The following KLRD1 variants were observed in gnomAD, a reference collection of about 807,000 sequenced individuals.
KLRD1 encodes the protein killer cell lectin like receptor D1, also known as natural killer cells antigen CD94.
In KLRD1, 21 loss-of-function variants were observed where a neutral mutation model predicts 22.6. The ratio of observed to expected loss-of-function variants is 0.93; its 90% CI spans 0.66 to 1.34. KLRD1 has a LOEUF of 1.34. Ranked by LOEUF, KLRD1 falls within the 40% of genes most tolerant of loss-of-function variation. The pLI is 0.00. For synonymous variants in KLRD1, 59 were observed against 71.1 expected (o/e 0.83, Z 0.85); for missense variants, 183 against 208.6 (o/e 0.88, Z 0.76).
At chr12:10,302,682 C>T (rs983001466), upstream of KLRD1, among the ~76,000 whole-genome samples, 2 of 151,638 alleles carry the variant, frequency 1.3e-5, no homozygotes, top group Non-Finnish European at 2.9e-5. Context: ...GAAAATGGTC[C>T]TCACGAGCTC....
At chr12:10,300,824 T>C (rs1048602623), upstream of KLRD1, among the ~76,000 whole-genome samples, 9 of 152,252 alleles carry the variant, frequency 5.9e-5, no homozygotes, top group African/African-American at 2.2e-4. Flanking sequence ...CTGGATAACC[T>C]GCTACAGCTT....
At chr12:10,243,636 G>GAAAA (rs1949263487) in intron 1 of KLRD1, among the ~76,000 whole-genome samples, 23 of 124,286 alleles carry the variant, frequency 1.9e-4, no homozygotes, top group South Asian at 5.3e-4. Context: ...AAAAAAAACC[G>GAAAA]AAATGAAAGA....
At chr12:10,305,406 T>G (rs1949907392), upstream of KLRD1, among the ~76,000 whole-genome samples, 1 of 152,130 alleles carries the variant, frequency 6.6e-6, no homozygotes, top group African/African-American at 2.4e-5. Flanking sequence ...TTATTTGGAA[T>G]TGTGTATGCA....
intron 1 of KLRD1, among the ~76,000 whole-genome samples, chr12:10,253,324 A>G (rs376267906): frequency 2.0e-5 from 3 of 152,210 alleles, no homozygotes; most frequent in East Asian, 3.8e-4. Context: ...CCGTTCATAC[A>G]CTTTTTAAAT....
chr12:10,253,527 C>G (rs1251798107), intron 1 of KLRD1, among the ~76,000 whole-genome samples: 2 of 151,524 alleles, frequency 1.3e-5, no homozygotes, highest in Admixed American at 6.6e-5. Flanking sequence ...GGCATTATAC[C>G]CAGTACCCAA....
Position 10,316,405 on chromosome 12 carries a change from A to AT in KLRD1, c.*1614dup, listed in dbSNP as rs1470731068. ...GCCACTTATTTTATTTTTTACTTTT[A>AT]TTATTTTTTTTTCTGAGACACGGTT... is the stretch of plus-strand genomic sequence containing the variant. On this transcript the variant is annotated 3_prime_UTR_variant, in exon 6 of 6. Transcript: ENST00000336164. 6.7e-6 allele frequency: 1 copy of AT among 149,826 alleles called. No individual in the cohort carries two copies. The highest frequency in any genetic ancestry group is 2.5e-5 in the African/African-American group (1 of 39,322). The allele number at this position is 149,826 out of a possible 1,614,324, so 9.3% of individuals were successfully genotyped here.
At chr12:10,242,696 T>C (rs1202937749) in intron 1 of KLRD1, among the ~76,000 whole-genome samples, 1 of 152,188 alleles carries the variant, frequency 6.6e-6, no homozygotes, top group Non-Finnish European at 1.5e-5. Flanking sequence ...ACAGCCTCAC[T>C]AATACTTATC....
chr12:10,280,944 C>A (rs1949635297), intron 1 of KLRD1, among the ~76,000 whole-genome samples: 1 of 152,184 alleles, frequency 6.6e-6, no homozygotes, highest in South Asian at 2.1e-4. Flanking sequence ...CAGGGAATAA[C>A]CTGGACTCAT....
chr12:10,280,081 A>C (rs1328369362), intron 1 of KLRD1, among the ~76,000 whole-genome samples: 1 of 152,230 alleles, frequency 6.6e-6, no homozygotes, highest in South Asian at 2.1e-4. Context: ...TAGAATTACC[A>C]ACAATCGTTA....
At chr12:10,279,540 C>G (rs1592051956) in intron 1 of KLRD1, among the ~76,000 whole-genome samples, 1 of 152,192 alleles carries the variant, frequency 6.6e-6, no homozygotes, top group East Asian at 1.9e-4. Flanking sequence ...GGCAGTATGA[C>G]AGGTATTCAG....
intron 1 of KLRD1, among the ~76,000 whole-genome samples, chr12:10,270,326 A>C (rs1483863208): frequency 6.6e-6 from 1 of 152,238 alleles, no homozygotes; most frequent in African/African-American, 2.4e-5. Context: ...TTAGTAATTA[A>C]AAAATTAATG....
At chr12:10,257,785 C>T (rs1236787223) in intron 1 of KLRD1, among the ~76,000 whole-genome samples, 2 of 151,796 alleles carry the variant, frequency 1.3e-5, no homozygotes, top group East Asian at 1.9e-4. Flanking sequence ...CCTGTTTCTT[C>T]GTATGCTTTG....
intron 1 of KLRD1, among the ~76,000 whole-genome samples, chr12:10,274,421 A>T (rs181985562): frequency 6.6e-6 from 1 of 152,228 alleles, no homozygotes; most frequent in East Asian, 1.9e-4. Flanking sequence ...AGCTCCTGAT[A>T]TCTGACAAAA....
intron 1 of KLRD1, among the ~76,000 whole-genome samples, chr12:10,240,405 T>G (rs1264755512): frequency 6.6e-6 from 1 of 151,822 alleles, no homozygotes; most frequent in Non-Finnish European, 1.5e-5. Context: ...TTGCTTTCAT[T>G]GTTCAGCTTC....
intron 1 of KLRD1, among the ~76,000 whole-genome samples, chr12:10,269,622 AGTTTAT>A (rs1338102970): frequency 1.3e-5 from 2 of 152,188 alleles, no homozygotes; most frequent in Non-Finnish European, 2.9e-5. Flanking sequence ...ATTTCAAAAA[AGTTTAT>A]GTTTATTACT....
intron 1 of KLRD1, 124 bp downstream of exon 1, chr12:10,308,208 C>A: frequency 2.6e-6 from 2 of 758,618 alleles, no homozygotes; most frequent in Admixed American, 2.0e-5. Flanking sequence ...TTAGGATTTT[C>A]ATGCATTAGC....
At chr12:10,282,240 A>G (rs192099985) in intron 1 of KLRD1, among the ~76,000 whole-genome samples, 1 of 152,176 alleles carries the variant, frequency 6.6e-6, no homozygotes, top group East Asian at 1.9e-4. Flanking sequence ...AAAAACATAT[A>G]CACATATGTA....
chr12:10,265,276 A>G (rs1949488886), intron 1 of KLRD1, among the ~76,000 whole-genome samples: 1 of 152,226 alleles, frequency 6.6e-6, no homozygotes, highest in African/African-American at 2.4e-5. Flanking sequence ...ACACAGAGAC[A>G]TATGACTTTA....
intron 3 of KLRD1, among the ~76,000 whole-genome samples, chr12:10,311,178 A>G (rs1459326014): frequency 6.6e-6 from 1 of 152,152 alleles, no homozygotes; most frequent in Non-Finnish European, 1.5e-5. Flanking sequence ...ATGCTGTTTT[A>G]ACATACTTAA....
Sources: allele counts gnomAD v4.1 joint callset (sites outside exome capture counted in the v4.1 genomes callset), GRCh38; gene constraint gnomAD v4.1.1; transcripts MANE v1.5; gene names NCBI Gene and HGNC (gene_info 2026-07-23, HGNC 2026-07-21).